SLC30A8: variants seen among roughly 807,000 people sequenced by gnomAD.
SLC30A8 encodes solute carrier family 30 member 8.
Under a neutral mutation model 36.9 loss-of-function variants are expected in SLC30A8, and 27 were observed. The ratio of observed to expected loss-of-function variants is 0.73; its 90% CI spans 0.54 to 1.01. The LOEUF is 1.01. SLC30A8 is among the 50% of genes least tolerant of loss of function. The probability of loss-of-function intolerance (pLI) is 0.00; values close to 1 mark genes in which losing one functional copy is unlikely to be tolerated. For synonymous variants in SLC30A8, 164 were observed against 172.4 expected (o/e 0.95, Z 0.38); for missense variants, 439 against 452.0 (o/e 0.97, Z 0.26).
In SLC30A8 at chr8:117,135,273, T is replaced by C; in HGVS notation, c.-55T>C. ...TGCAGTGCTGCTTTGCTTCCAAAAC[T>C]GGGCAGTGAGTTCAACAACAACGAC... On this transcript the variant is annotated 5_prime_UTR_variant, in exon 1 of 8. Coordinates refer to ENST00000456015, the MANE Select transcript of SLC30A8 (RefSeq NM_173851.3). The C allele has an allele frequency of 7.4e-7, 1 of 1,353,960 alleles. No homozygotes were observed. The allele number at this position is 1,353,960 out of a possible 1,614,324, so 83.9% of individuals were successfully genotyped here.
chr8:116,964,737 G>T (rs1814542427), intron 1 of SLC30A8, among the ~76,000 whole-genome samples: 1 of 152,146 alleles, frequency 6.6e-6, no homozygotes, highest in African/African-American at 2.4e-5. Flanking sequence ...TTTCTAAATG[G>T]CCTGAGGTTA....
At chr8:116,972,760 A>C (rs1214007891) in intron 1 of SLC30A8, among the ~76,000 whole-genome samples, 1 of 152,186 alleles carries the variant, frequency 6.6e-6, no homozygotes, top group African/African-American at 2.4e-5. Flanking sequence ...GCAGGAACTG[A>C]CGTGATAAAT....
intron 1 of SLC30A8, among the ~76,000 whole-genome samples, chr8:117,027,183 G>A (rs1018559411): frequency 4.6e-5 from 7 of 152,120 alleles, no homozygotes; most frequent in Admixed American, 2.6e-4. Context: ...TGTGTTTGGC[G>A]ACAGGGATAG....
At chr8:117,016,308 G>A (rs560119065) in intron 1 of SLC30A8, among the ~76,000 whole-genome samples, 3 of 152,262 alleles carry the variant, frequency 2.0e-5, no homozygotes, top group South Asian at 2.1e-4. Flanking sequence ...AGTCGATATT[G>A]AATCAAAGAG....
intron 1 of SLC30A8, among the ~76,000 whole-genome samples, chr8:116,976,410 T>C (rs774737497): frequency 6.6e-6 from 1 of 152,100 alleles, no homozygotes; most frequent in Non-Finnish European, 1.5e-5. Context: ...TGGAACTGAT[T>C]GGAAGAAAAT....
At chr8:117,126,028 T>G (rs1194067418) in intron 2 of SLC30A8, among the ~76,000 whole-genome samples, 1 of 152,000 alleles carries the variant, frequency 6.6e-6, no homozygotes, top group Non-Finnish European at 1.5e-5. Context: ...CTAGCTGTGT[T>G]TTCCCCCCTC....
intron 1 of SLC30A8, among the ~76,000 whole-genome samples, chr8:117,031,255 A>G (rs1817034743): frequency 6.6e-6 from 1 of 152,208 alleles, no homozygotes; most frequent in Admixed American, 6.5e-5. Flanking sequence ...AAATCCTACA[A>G]GATAGATGTT....
chr8:116,999,131 T>C (rs1249774359), intron 1 of SLC30A8, among the ~76,000 whole-genome samples: 3 of 152,098 alleles, frequency 2.0e-5, no homozygotes, highest in Non-Finnish European at 4.4e-5. Flanking sequence ...TGATGGCGCA[T>C]GTTTGTAATC....
chr8:117,036,285 A>G (rs1003615125), intron 1 of SLC30A8, among the ~76,000 whole-genome samples: 1 of 152,130 alleles, frequency 6.6e-6, no homozygotes, highest in Non-Finnish European at 1.5e-5. Context: ...ACCATTCAAC[A>G]AATCTCTAGG....
Position 117,135,339 on chromosome 8 carries a change from T to C in SLC30A8, c.12T>C (p.Leu4=), listed in dbSNP as rs140569332. The C allele has an allele frequency of 1.3e-5, 20 of 1,595,282 alleles. No homozygotes were observed. The African/African-American group carries it at 2.3e-4, about 18-fold the overall frequency. Residue 4 remains leucine (L), a synonymous_variant, in exon 1 of 8, where the codon CTT becomes CTC. Coordinates refer to ENST00000456015, the MANE Select transcript of SLC30A8 (RefSeq NM_173851.3). MEF[L]ERTYLVNDKA... ...TCATCCTGGCCGTCATGGAGTTTCT[T>C]GAAAGAACGTATCTTGTGAATGATA... is the stretch of plus-strand genomic sequence containing the variant.
rs924325274 is a variant in SLC30A8, at chr8:117,155,396, A to G, written c.419-2295A>G. Reference sequence around the variant, plus strand: ...CCTGACATCCACAGACTCAACCTCCATTTCCGGCTAACCAGAAATTCTTGG... The same window carrying G: ...CCTGACATCCACAGACTCAACCTCCGTTTCCGGCTAACCAGAAATTCTTGG... On this transcript the variant is annotated intron_variant, in intron 3 of 7. Coordinates refer to ENST00000456015, the MANE Select transcript of SLC30A8 (RefSeq NM_173851.3). 2.0e-5 allele frequency among the ~76,000 whole-genome samples: 3 copies of G among 152,098 alleles called. No homozygotes were observed. In the East Asian group the frequency reaches 5.8e-4, roughly 29 times the overall value.
chr8:117,097,408 A>AT (rs1289257794), intron 2 of SLC30A8, among the ~76,000 whole-genome samples: 9 of 123,082 alleles, frequency 7.3e-5, no homozygotes, highest in African/African-American at 3.0e-4. Context: ...AAAAAAAAAA[A>AT]AAAAAAAAAA....
At chr8:117,079,959 G>C (rs569715824) in intron 2 of SLC30A8, among the ~76,000 whole-genome samples, 2 of 152,154 alleles carry the variant, frequency 1.3e-5, no homozygotes, top group African/African-American at 4.8e-5. Flanking sequence ...TACTTTGGTC[G>C]TGTTTGTTCC....
At chr8:117,163,719 C>T (rs1822909515) in intron 6 of SLC30A8, among the ~76,000 whole-genome samples, 189 bp downstream of exon 6, 1 of 152,078 alleles carries the variant, frequency 6.6e-6, no homozygotes, top group Non-Finnish European at 1.5e-5. Flanking sequence ...GAACTGGCTT[C>T]TATTCTTGCT....
chr8:117,169,531 C>T (rs1351944262), intron 6 of SLC30A8, among the ~76,000 whole-genome samples: 3 of 152,118 alleles, frequency 2.0e-5, no homozygotes, highest in Non-Finnish European at 4.4e-5. Context: ...TGCTTATGCT[C>T]AGGCCTCCCA....
intron 1 of SLC30A8, among the ~76,000 whole-genome samples, chr8:117,023,943 A>G (rs1203744855): frequency 1.3e-5 from 2 of 152,016 alleles, no homozygotes; most frequent in African/African-American, 4.8e-5. Context: ...TTTTCTTTTG[A>G]TAGAAACTAC....
At chr8:117,005,678 T>C (rs193057087) in intron 1 of SLC30A8, among the ~76,000 whole-genome samples, 1 of 152,374 alleles carries the variant, frequency 6.6e-6, no homozygotes, top group East Asian at 1.9e-4. Context: ...TATCCCATTT[T>C]ACATTACCAC....
chr8:116,992,592 C>T (rs564521059), intron 1 of SLC30A8, among the ~76,000 whole-genome samples: 2 of 152,088 alleles, frequency 1.3e-5, no homozygotes, highest in Non-Finnish European at 1.5e-5. Flanking sequence ...ACTAGCAAAG[C>T]AGTCCCAAGT....
At chr8:117,127,561 T>A (rs1009002430) in intron 2 of SLC30A8, among the ~76,000 whole-genome samples, 4 of 152,064 alleles carry the variant, frequency 2.6e-5, no homozygotes, top group African/African-American at 9.7e-5. Flanking sequence ...AGGAAAATAT[T>A]TGAATTTATA....
Sources: gnomAD v4.1 joint callset for allele counts (sites outside exome capture counted in the v4.1 genomes callset) on GRCh38, gnomAD v4.1.1 for gene constraint, MANE v1.5 for transcripts, NCBI Gene and HGNC (gene_info 2026-07-23, HGNC 2026-07-21) for gene names.